Variants in MALT1 observed in about 807,000 individuals in gnomAD.
The protein encoded by MALT1 is MALT1 paracaspase, also known as mucosa-associated lymphoid tissue lymphoma translocation protein 1.
MALT1 carries 36 observed loss-of-function variants against 85.5 expected under a neutral mutation model. The observed-to-expected ratio is 0.42, with a 90% CI of 0.32 to 0.56. The LOEUF (loss-of-function observed/expected upper bound fraction) is 0.56, where lower values mean the gene tolerates loss of function less well. Among genes scored for constraint, MALT1 ranks in the 20% least tolerant of loss-of-function variants. The pLI is 0.10. For synonymous variants in MALT1, 359 were observed against 361.3 expected (o/e 0.99, Z 0.07); for missense variants, 716 against 981.6 (o/e 0.73, Z 3.62).
intron 11 of MALT1, chr18:58,733,937 G>A (rs2055189351): frequency 1.7e-6 from 2 of 1,150,484 alleles, no homozygotes; most frequent in African/African-American, 3.2e-5. Context: ...AGTCAGTCCT[G>A]GTCTTCCAGA....
At position 58,751,004 on chromosome 18, in the gene MALT1, C is replaced by T. The variant is rs1242005901; in HGVS notation, c.*3162C>T. The T allele has an allele frequency of 6.6e-6, 1 of 152,202 alleles. No homozygotes were observed. Among genetic ancestry groups the T allele is most frequent in the Non-Finnish European group, 1.5e-5 (1 of 68,038 alleles). The allele number at this position is 152,202 out of a possible 1,614,324, so 9.4% of individuals were successfully genotyped here. On this transcript the variant is annotated 3_prime_UTR_variant, in exon 17 of 17. Coordinates refer to ENST00000649217, the MANE Select transcript of MALT1 (RefSeq NM_006785.4). ...AAAAACAAACAAACATGCAGGTGCT[C>T]AGCTGTGGTTACCACCGAGCAGCAC...
At chr18:58,698,515 TAGAG>T (rs1369299673) in intron 3 of MALT1, among the ~76,000 whole-genome samples, 1 of 152,104 alleles carries the variant, frequency 6.6e-6, no homozygotes, top group East Asian at 1.9e-4. Flanking sequence ...GTGTATATTT[TAGAG>T]AGAGTCAACT....
At chr18:58,692,861 A>AACAC (rs1254458650) in intron 2 of MALT1, among the ~76,000 whole-genome samples, 2 of 152,222 alleles carry the variant, frequency 1.3e-5, no homozygotes, top group African/African-American at 4.8e-5. Flanking sequence ...AAGAAAGCAA[A>AACAC]ACAGCCTTAT....
At chr18:58,742,255 A>G (rs1165500001) in intron 14 of MALT1, among the ~76,000 whole-genome samples, 2 of 152,178 alleles carry the variant, frequency 1.3e-5, no homozygotes, top group African/African-American at 4.8e-5. Flanking sequence ...ACCATTTAAA[A>G]ATTTTTCTAT....
intron 4 of MALT1, among the ~76,000 whole-genome samples, chr18:58,706,676 A>C (rs1156712261): frequency 2.0e-5 from 3 of 152,192 alleles, no homozygotes; most frequent in Non-Finnish European, 4.4e-5. Context: ...AAATTATCTC[A>C]GCATTTGAAT....
intron 14 of MALT1, 142 bp downstream of exon 14, chr18:58,742,156 T>C: frequency 2.1e-6 from 1 of 477,654 alleles, no homozygotes; most frequent in Non-Finnish European, 3.5e-6. Flanking sequence ...CAAACAAATA[T>C]TTCAATTATG....
Position 58,671,717 on chromosome 18 carries a change from C to T in MALT1, c.74C>T (p.Pro25Leu). The change falls in exon 1 of 17, where the codon CCG (proline) becomes CTG (leucine). Residue 25 changes from proline (P) to leucine (L), a missense_variant. By Grantham distance (98) the Pro-to-Leu change is moderately conservative (BLOSUM62 -3). Around this residue, in one of 4 missense-constraint regions of MALT1, gnomAD observed 80 missense variants for 65.1 expected, o/e 1.23. Coordinates refer to ENST00000649217, the MANE Select transcript of MALT1 (RefSeq NM_006785.4). ...AAPTGPLLAP[P>L]AGATLNRLRE... ...CCCACGGGGCCGCTGCTCGCCCCTC[C>T]GGCCGGCGCGACCCTCAACCGCCTG... The T allele has an allele frequency of 7.8e-7, 1 of 1,278,680 alleles. No individual in the cohort carries two copies. The highest frequency in any genetic ancestry group is 9.9e-7 in the Non-Finnish European group (1 of 1,012,662). 79.2% of individuals were successfully genotyped at this position (1,278,680 alleles called of 1,614,324 possible).
intron 15 of MALT1, 103 bp downstream of exon 15, chr18:58,744,598 ATATT>A (rs2055343119): frequency 8.2e-6 from 4 of 487,672 alleles, no homozygotes; most frequent in Non-Finnish European, 1.4e-5. Flanking sequence ...GGAAATATAT[ATATT>A]TATATATGTG....
In MALT1 at chr18:58,704,000, G is replaced by GT. The variant is rs2054710754; in HGVS notation, c.649+3410dup. ...TTAAAATTTACTCATGTTGTTCAGT[G>GT]TATCATTAGGCAGTCCCATCTTTTT... On this transcript the variant is annotated intron_variant, in intron 4 of 16. Coordinates refer to ENST00000649217, the MANE Select transcript of MALT1 (RefSeq NM_006785.4). Among the ~76,000 whole-genome samples the GT allele has an allele frequency of 5.3e-5, 8 of 152,256 alleles. 1 individual carries two copies. The South Asian group carries it at 1.7e-3, about 32-fold the overall frequency.
chr18:58,723,371 T>C, intron 10 of MALT1, 120 bp downstream of exon 10: 1 of 615,236 alleles, frequency 1.6e-6, no homozygotes. Flanking sequence ...TGGAAGAGTT[T>C]TATTTTTCTT....
chr18:58,695,125 A>G (rs889368331), intron 2 of MALT1, among the ~76,000 whole-genome samples: 11 of 152,180 alleles, frequency 7.2e-5, no homozygotes, highest in Non-Finnish European at 1.3e-4. Context: ...CATGTGAGAC[A>G]TGCCTTTCAC....
At chr18:58,676,006 G>A (rs965363415) in intron 1 of MALT1, among the ~76,000 whole-genome samples, 9 of 152,048 alleles carry the variant, frequency 5.9e-5, no homozygotes, top group Non-Finnish European at 8.8e-5. Context: ...CACACAAATC[G>A]TTTTTGTCAG....
intron 2 of MALT1, among the ~76,000 whole-genome samples, chr18:58,692,450 C>T (rs2054524520): frequency 2.2e-5 from 1 of 44,922 alleles, no homozygotes; most frequent in Non-Finnish European, 4.6e-5. Context: ...CTCTCCCTCC[C>T]TCCCTCCCTC....
chr18:58,737,740 G>A (rs538698449), intron 13 of MALT1, among the ~76,000 whole-genome samples: 92 of 152,114 alleles, frequency 6.0e-4, no homozygotes, highest in African/African-American at 2.1e-3. Context: ...ACACCACCAC[G>A]TCCGGCTAAT....
intron 2 of MALT1, among the ~76,000 whole-genome samples, chr18:58,692,435 T>A (rs1253591979): frequency 1.9e-4 from 11 of 58,698 alleles, no homozygotes; most frequent in Non-Finnish European, 3.3e-4. Context: ...TCTCTCTCTC[T>A]CACTCTCTCC....
chr18:58,730,394 T>C (rs529334046), intron 10 of MALT1, among the ~76,000 whole-genome samples: 2 of 152,352 alleles, frequency 1.3e-5, no homozygotes, highest in South Asian at 4.1e-4. Context: ...TTCATATAAA[T>C]GGAATCACCC....
At chr18:58,711,190 A>G (rs1196712024) in intron 7 of MALT1, among the ~76,000 whole-genome samples, 1 of 152,252 alleles carries the variant, frequency 6.6e-6, no homozygotes, top group African/African-American at 2.4e-5. Context: ...AATATTACAT[A>G]TAAGAACAAA....
At chr18:58,715,353 G>T (rs2054884318) in intron 8 of MALT1, among the ~76,000 whole-genome samples, 1 of 152,114 alleles carries the variant, frequency 6.6e-6, no homozygotes. Flanking sequence ...TTTAAAAGAA[G>T]AATGTTGTAT....
Position 58,747,907 on chromosome 18 carries a change from AGTGAGACATT to A in MALT1, c.*70_*79del. ...GTGAAATAGTACTGCACTTACATAAAGTGAGACATTGTGAAAAGGCAAATTTGTATATGTA... is the reference window on the plus strand; with the variant it reads ...GTGAAATAGTACTGCACTTACATAAAGTGAAAAGGCAAATTTGTATATGTA... On this transcript the variant is annotated 3_prime_UTR_variant, in exon 17 of 17. Transcript: ENST00000649217. 5 of 1,367,244 alleles carry A rather than the reference AGTGAGACATT, an allele frequency of 3.7e-6. No homozygotes were observed. Among genetic ancestry groups the A allele is most frequent in the Non-Finnish European group, 5.1e-6 (5 of 987,676 alleles). 84.7% of individuals were successfully genotyped at this position (1,367,244 alleles called of 1,614,324 possible).
Sources: gnomAD v4.1 joint callset for allele counts (sites outside exome capture counted in the v4.1 genomes callset) on GRCh38, gnomAD v4.1.1 for gene constraint, gnomAD v4.1.1 regional missense constraint, MANE v1.5 for transcripts, NCBI Gene and HGNC (gene_info 2026-07-23, HGNC 2026-07-21) for gene names.